The following KCNK1 variants were observed in gnomAD, a reference collection of about 807,000 sequenced individuals.
KCNK1 encodes the protein potassium channel subfamily K member 1.
A neutral mutation model predicts 22.2 loss-of-function variants in KCNK1; 10 were observed. The ratio of observed to expected loss-of-function variants is 0.45; its 90% CI spans 0.28 to 0.76. The LOEUF (loss-of-function observed/expected upper bound fraction) is 0.76, where lower values mean the gene tolerates loss of function less well. Among genes scored for constraint, KCNK1 ranks in the 30% least tolerant of loss-of-function variants. The probability of loss-of-function intolerance (pLI) is 0.14; values close to 1 mark genes in which losing one functional copy is unlikely to be tolerated. For synonymous variants in KCNK1, 200 were observed against 186.4 expected (o/e 1.07, Z -0.60); for missense variants, 378 against 421.0 (o/e 0.90, Z 0.89).
rs988244231 is a variant in KCNK1 at position 233,670,943 on chromosome 1, A to C, written c.752-328A>C. Reference sequence around the variant, plus strand: ...GCAAACCCTCCTTGCATAAAATATCACACTTGGGTAAGTGCAGTATGTTAT... The same window carrying C: ...GCAAACCCTCCTTGCATAAAATATCCCACTTGGGTAAGTGCAGTATGTTAT... On this transcript the variant is annotated intron_variant, in intron 2 of 2. Transcript: ENST00000366621. Among the ~76,000 whole-genome samples, 5 of 152,138 alleles carry C rather than the reference A, an allele frequency of 3.3e-5. No homozygotes were observed. In the South Asian group the frequency reaches 1.0e-3, roughly 31 times the overall value.
At chr1:233,626,387 C>G (rs905978080) in intron 1 of KCNK1, among the ~76,000 whole-genome samples, 1 of 151,892 alleles carries the variant, frequency 6.6e-6, no homozygotes, top group African/African-American at 2.4e-5. Context: ...AACTTGAGAT[C>G]CCTTTTGGGT....
chr1:233,670,857 A>G (rs1658583956), intron 2 of KCNK1, among the ~76,000 whole-genome samples: 1 of 152,226 alleles, frequency 6.6e-6, no homozygotes, highest in African/African-American at 2.4e-5. Flanking sequence ...CCATGATAAA[A>G]CAAAAACTTT....
At chr1:233,648,538 G>C (rs1340447574) in intron 1 of KCNK1, among the ~76,000 whole-genome samples, 1 of 151,572 alleles carries the variant, frequency 6.6e-6, no homozygotes, top group Non-Finnish European at 1.5e-5. Context: ...TAATAACAAA[G>C]GTCTCTTTCT....
intron 1 of KCNK1, among the ~76,000 whole-genome samples, chr1:233,657,322 GTGAC>G (rs1244129738): frequency 6.6e-6 from 1 of 152,174 alleles, no homozygotes; most frequent in African/African-American, 2.4e-5. Context: ...TTTTCGAAAT[GTGAC>G]TGATTGGAAT....
chr1:233,629,613 T>C (rs1398214515), intron 1 of KCNK1: 1 of 152,112 alleles, frequency 6.6e-6, no homozygotes, highest in African/African-American at 2.4e-5. Flanking sequence ...CCGTGATAAA[T>C]AGCCTGTCCT....
In KCNK1 at chr1:233,615,089, C is replaced by T. The variant is rs545387911; in HGVS notation, c.355+563C>T. Among the ~76,000 whole-genome samples the T allele has an allele frequency of 9.8e-5, 15 of 152,322 alleles. No homozygotes were observed. In the South Asian group the frequency reaches 2.9e-3, roughly 29 times the overall value. On this transcript the variant is annotated intron_variant, in intron 1 of 2. Transcript: ENST00000366621. The stretch of plus-strand genomic sequence containing the variant: ...GCACAGATATTCCAGCTCTTTTGTA[C>T]CTTGGAGGCAGTTTTGGGGGTAGCC...
intron 1 of KCNK1, 51 bp downstream of exon 1, chr1:233,614,577 C>A: frequency 7.0e-7 from 1 of 1,421,658 alleles, no homozygotes; most frequent in Non-Finnish European, 9.5e-7. Context: ...CGCCCACAAC[C>A]CACACACCCC....
chr1:233,657,366 G>A (rs1318783629), intron 1 of KCNK1, among the ~76,000 whole-genome samples: 1 of 152,154 alleles, frequency 6.6e-6, no homozygotes, highest in Non-Finnish European at 1.5e-5. Flanking sequence ...AATTGGATAT[G>A]TGGTAAAAGC....
rs17228028 is a variant in KCNK1 at position 233,649,957 on chromosome 1, C to T, written c.356-16638C>T. Reference sequence around the variant, plus strand: ...AAATGATGGGTCCTGAGGGTTTTATCTCCTGATTTGGTTAGAAGATTGTTG... The same window carrying T: ...AAATGATGGGTCCTGAGGGTTTTATTTCCTGATTTGGTTAGAAGATTGTTG... On this transcript the variant is annotated intron_variant, in intron 1 of 2. Coordinates refer to ENST00000366621, the MANE Select transcript of KCNK1 (RefSeq NM_002245.4). 2,738 of 533,402 alleles carry T rather than the reference C, an allele frequency of 5.1e-3. 16 individuals are homozygous for T. Among genetic ancestry groups the T allele is most frequent in the Non-Finnish European group, 7.7e-3 (2,012 of 259,940 alleles). The allele number at this position is 533,402 out of a possible 1,614,324, so 33.0% of individuals were successfully genotyped here.
intron 2 of KCNK1, 151 bp from the exon 3 acceptor site, chr1:233,671,119 GA>G: frequency 2.8e-6 from 2 of 716,134 alleles, no homozygotes; most frequent in Non-Finnish European, 4.7e-6. Flanking sequence ...TTTGAACCAT[GA>G]ACTTAAAAAC....
chr1:233,634,314 A>G (rs1161878750), intron 1 of KCNK1, among the ~76,000 whole-genome samples: 3 of 32,152 alleles, frequency 9.3e-5, no homozygotes, highest in Non-Finnish European at 8.3e-5. Context: ...AACAACAACA[A>G]CAACAAAAAA....
In KCNK1 at chr1:233,666,948, T is replaced by C; in HGVS notation, c.709T>C (p.Tyr237His). ...GGGGGATTATGTGCCTGGGGAAGGC[T>C]ACAATCAAAAATTCAGAGAGCTCTA... ...GLGDYVPGEG[Y>H]NQKFRELYKI... Residue 237 changes from tyrosine (Y) to histidine (H), a missense_variant, in exon 2 of 3, where the codon TAC becomes CAC. By Grantham distance (83) the Tyr-to-His change is moderately conservative. Transcript: ENST00000366621. 6.2e-7 allele frequency: 1 copy of C among 1,613,442 alleles called. No homozygotes were observed. Among genetic ancestry groups the C allele is most frequent in the Non-Finnish European group, 8.5e-7 (1 of 1,179,752 alleles).
At chr1:233,628,746 C>T (rs925660323) in intron 1 of KCNK1, among the ~76,000 whole-genome samples, 7 of 120,784 alleles carry the variant, frequency 5.8e-5, no homozygotes, top group African/African-American at 1.8e-4. Flanking sequence ...GGCAACAGAG[C>T]AAGACTCTGT....
At chr1:233,638,020 G>A (rs1011093953) in intron 1 of KCNK1, among the ~76,000 whole-genome samples, 4 of 150,484 alleles carry the variant, frequency 2.7e-5, no homozygotes, top group Admixed American at 1.3e-4. Context: ...ACACAGGGTT[G>A]TCCTCTCCTG....
Position 233,671,503 on chromosome 1 carries a change from C to T in KCNK1, c.984C>T (p.Ala328=), listed in dbSNP as rs1026997545. The T allele has an allele frequency of 5.0e-6, 8 of 1,613,992 alleles. No homozygotes were observed. Among genetic ancestry groups the T allele is most frequent in the South Asian group, 1.1e-5 (1 of 91,076 alleles). Residue 328 remains alanine, a synonymous_variant, in exon 3 of 3, where the codon GCC becomes GCT. Transcript: ENST00000366621. ...NEPFVATQSS[A]CVDGPANH ...CTTTTGTGGCCACCCAGTCATCTGC[C>T]TGCGTGGATGGCCCTGCAAACCATT...
At chr1:233,644,087 G>A (rs867968035) in intron 1 of KCNK1, among the ~76,000 whole-genome samples, 1 of 152,200 alleles carries the variant, frequency 6.6e-6, no homozygotes, top group Admixed American at 6.5e-5. Context: ...AGTTCTGGAG[G>A]CTGGGAAGTC....
At chr1:233,659,980 G>A (rs1190802915) in intron 1 of KCNK1, among the ~76,000 whole-genome samples, 3 of 152,204 alleles carry the variant, frequency 2.0e-5, no homozygotes, top group African/African-American at 7.2e-5. Flanking sequence ...AGCCAGATGA[G>A]TGCCATTTTC....
At chr1:233,617,999 G>T (rs902742459) in intron 1 of KCNK1, among the ~76,000 whole-genome samples, 1 of 152,150 alleles carries the variant, frequency 6.6e-6, no homozygotes, top group African/African-American at 2.4e-5. Context: ...ATTTAGCAAG[G>T]CCTATTTGTT....
chr1:233,669,714 T>G (rs1464452431), intron 2 of KCNK1, among the ~76,000 whole-genome samples: 1 of 152,078 alleles, frequency 6.6e-6, no homozygotes, highest in Non-Finnish European at 1.5e-5. Context: ...GAAAATCACT[T>G]GAACCTGGGA....
Sources: allele counts gnomAD v4.1 joint callset (sites outside exome capture counted in the v4.1 genomes callset), GRCh38; gene constraint gnomAD v4.1.1; transcripts MANE v1.5; gene names NCBI Gene and HGNC (gene_info 2026-07-23, HGNC 2026-07-21).